Variants in ZSCAN31 observed in about 807,000 individuals in gnomAD.
ZSCAN31 encodes zinc finger and SCAN domain-containing protein 31.
Under a neutral mutation model 22.5 loss-of-function variants are expected in ZSCAN31, and 14 were observed. That is an observed-to-expected ratio of 0.62 (90% CI 0.41 to 0.97). The LOEUF is 0.97. Among genes scored for constraint, ZSCAN31 ranks in the 50% least tolerant of loss-of-function variants. The pLI is 0.00. For synonymous variants in ZSCAN31, 168 were observed against 169.8 expected, an observed-to-expected ratio of 0.99 and a Z score of 0.08; for missense variants, 424 against 483.4, an observed-to-expected ratio of 0.88 and a Z score of 1.15.
At position 28,327,398 on chromosome 6, in the gene ZSCAN31, G is replaced by A. The variant is rs1763374460; in HGVS notation, c.517C>T (p.Gln173Ter). 1 of 1,613,934 alleles carries A rather than the reference G, an allele frequency of 6.2e-7. No homozygotes were observed. The highest frequency in any genetic ancestry group is 1.3e-5 in the African/African-American group (1 of 74,884). ...QLRYESFCLH[Q>*]FQEQDGESIP... ...AAATCCTTACCTTGTTCTTGAAATT[G>A]GTGGAGGCAAAAAGATTCATATCTG... is the stretch of plus-strand genomic sequence containing the variant. The change falls in exon 3 of 4, where the codon CAA becomes TAA. Residue 173 changes from glutamine (Q) to a stop codon, truncating the protein, a stop_gained. Transcript: ENST00000344279. LOFTEE classifies it low-confidence loss of function (END_TRUNC).
At chr6:28,335,649 C>T (rs1201237645) in intron 1 of ZSCAN31, among the ~76,000 whole-genome samples, 2 of 152,152 alleles carry the variant, frequency 1.3e-5, no homozygotes, top group African/African-American at 4.8e-5. Context: ...CCTGATTGGT[C>T]CCGGACCAAG....
rs1163390529 is a variant in ZSCAN31 at position 28,324,900 on chromosome 6, C to T, written c.*1266G>A. 2.0e-5 allele frequency: 3 copies of T among 152,288 alleles called. No individual in the cohort carries two copies. In the East Asian group the frequency reaches 5.8e-4, roughly 29 times the overall value. 9.4% of individuals were successfully genotyped at this position (152,288 alleles called of 1,614,324 possible). On this transcript the variant is annotated 3_prime_UTR_variant, in exon 4 of 4. Coordinates refer to ENST00000344279, the MANE Select transcript of ZSCAN31 (RefSeq NM_030899.5). This position sits in a 1 kb window ranked among gnomAD's most constrained non-coding sequence, Gnocchi z 4.8. ...AAATTCTACCTACATTTGTTAAATG[C>T]TATTATTTCGTATGTAAATCATAAT... is the stretch of plus-strand genomic sequence containing the variant.
Position 28,326,263 on chromosome 6 carries a change from C to T in ZSCAN31, c.1124G>A (p.Gly375Asp). The change falls in exon 4 of 4, where the codon GGT becomes GAT. Residue 375 changes from glycine to aspartate, a missense_variant. By Grantham distance (94) the Gly-to-Asp change is moderately conservative. Coordinates refer to ENST00000344279, the MANE Select transcript of ZSCAN31 (RefSeq NM_030899.5). ...GLFQHLRVHT[G>D]EKPYQCSQCS... ...CTGACTGCACTGATAGGGTTTCTCACCAGTGTGGACTCGGAGATGCTGGAA... is the reference window on the plus strand; with the variant it reads ...CTGACTGCACTGATAGGGTTTCTCATCAGTGTGGACTCGGAGATGCTGGAA... The T allele has an allele frequency of 1.2e-6, 2 of 1,614,162 alleles. No homozygotes were observed. Among genetic ancestry groups the T allele is most frequent in the Non-Finnish European group, 1.7e-6 (2 of 1,180,024 alleles).
chr6:28,326,091 G>T lies in ZSCAN31; in HGVS notation c.*75C>A. 7.2e-7 allele frequency: 1 copy of T among 1,380,764 alleles called. No homozygotes were observed. The highest frequency in any genetic ancestry group is 9.9e-7 in the Non-Finnish European group (1 of 1,012,712). The allele number at this position is 1,380,764 out of a possible 1,614,324, so 85.5% of individuals were successfully genotyped here. ...GGGTCCACAGAATTAGTCCAGTTCT[G>T]CTGGAACAGTATGGATTCTAAAATG... On this transcript the variant is annotated 3_prime_UTR_variant, in exon 4 of 4. Coordinates refer to ENST00000344279, the MANE Select transcript of ZSCAN31 (RefSeq NM_030899.5).
intron 2 of ZSCAN31, chr6:28,350,456 C>G (rs1271969155): frequency 6.6e-6 from 1 of 152,162 alleles, no homozygotes; most frequent in Non-Finnish European, 1.5e-5. Context: ...AGTCAGATTA[C>G]CTGGTTCAAA....
chr6:28,343,812 G>A (rs1340367942), intron 2 of ZSCAN31, among the ~76,000 whole-genome samples: 1 of 152,138 alleles, frequency 6.6e-6, no homozygotes, highest in Non-Finnish European at 1.5e-5. Flanking sequence ...ACAGGTGTGA[G>A]CCACTGTGCC....
chr6:28,327,940 T>G (rs1389261575), intron 2 of ZSCAN31, among the ~76,000 whole-genome samples: 1 of 151,924 alleles, frequency 6.6e-6, no homozygotes, highest in Non-Finnish European at 1.5e-5. Flanking sequence ...AGGGACAGAG[T>G]ACAAAAGAGA....
chr6:28,342,068 G>A (rs73385893), intron 2 of ZSCAN31, among the ~76,000 whole-genome samples: 1,615 of 152,306 alleles, frequency 0.011, 30 homozygotes, highest in African/African-American at 0.035. Context: ...ATGAATGTAA[G>A]GCAAAGTGAA....
chr6:28,337,116 G>A (rs531068300), upstream of ZSCAN31, among the ~76,000 whole-genome samples: 40 of 152,212 alleles, frequency 2.6e-4, no homozygotes, highest in South Asian at 1.2e-3. Context: ...GAAGAGAGAG[G>A]AAAACTAATG....
upstream of ZSCAN31, chr6:28,356,169 G>A (rs1765408456): frequency 6.6e-6 from 1 of 152,202 alleles, no homozygotes; most frequent in African/African-American, 2.4e-5. Context: ...CCTGGCACCT[G>A]GGTCAGTTCC....
chr6:28,327,512 GTCCA>G lies in ZSCAN31; in HGVS notation c.399_402del (p.Gly134IlefsTer12), dbSNP rs1225802556. 1.9e-6 allele frequency: 3 copies of G among 1,613,350 alleles called. No homozygotes were observed. The highest frequency in any genetic ancestry group is 1.6e-4 in the Middle Eastern group (1 of 6,084). On this transcript the variant is annotated frameshift_variant, in exon 3 of 4. Coordinates refer to ENST00000344279, the MANE Select transcript of ZSCAN31 (RefSeq NM_030899.5). LOFTEE classifies it high-confidence loss of function. The stretch of plus-strand genomic sequence containing the variant: ...ACATCCTCCAAGAGCACTTCAGAAT[GTCCA>G]TGTTCATGGTCTGGAGCCTGAAGGC...
chr6:28,353,926 G>A, exon 2 of ZSCAN31: 1 of 455,466 alleles, frequency 2.2e-6, no homozygotes, highest in Non-Finnish European at 4.4e-6. Context: ...TTGGATGGGT[G>A]GCAGGTAGTT....
At chr6:28,345,045 T>G (rs1391972600) in intron 2 of ZSCAN31, among the ~76,000 whole-genome samples, 6 of 148,852 alleles carry the variant, frequency 4.0e-5, no homozygotes. Flanking sequence ...CACAGGGGGC[T>G]GAGGCAAAAG....
Position 28,333,418 on chromosome 6 carries a change from A to T in ZSCAN31, c.-96+2664T>A, listed in dbSNP as rs7752608. Among the ~76,000 whole-genome samples the T allele has an allele frequency of 0.05, 7,639 of 152,244 alleles. 471 individuals carry two copies. The highest frequency in any genetic ancestry group is 0.15 in the African/African-American group (6,217 of 41,508). ...GACCAGGCCCTGTTTTGCTGGAGCA[A>T]ACATTTTAACGGGGAAGACAAACCA... On this transcript the variant is annotated intron_variant, in intron 1 of 3. Transcript: ENST00000344279. The surrounding 1 kb of genome is among the most constrained non-coding windows in gnomAD (Gnocchi z 4.1).
chr6:28,331,479 C>G lies in ZSCAN31; in HGVS notation c.-95-1701G>C, dbSNP rs904615569. On this transcript the variant is annotated intron_variant, in intron 1 of 3. Transcript: ENST00000344279. The surrounding 1 kb of genome is among the most constrained non-coding windows in gnomAD (Gnocchi z 4.8). ...CGGTCCCTAACTTTATGGTATTTAC[C>G]ATGGGAAAGACAGACCTTAATAAAA... Among the ~76,000 whole-genome samples the G allele has an allele frequency of 1.3e-5, 2 of 152,074 alleles. No homozygotes were observed. The highest frequency in any genetic ancestry group is 2.4e-5 in the African/African-American group (1 of 41,408).
chr6:28,326,906 T>C lies in ZSCAN31; in HGVS notation c.533-52A>G, dbSNP rs1346737628. 2.8e-6 allele frequency: 4 copies of C among 1,417,312 alleles called. No individual in the cohort carries two copies. The African/African-American group carries it at 4.3e-5, about 15-fold the overall frequency. 87.8% of individuals were successfully genotyped at this position (1,417,312 alleles called of 1,614,324 possible). A position where few individuals can be genotyped will look rare whatever the true frequency, so the allele number is the denominator to read the frequency against. On this transcript the variant is annotated intron_variant, in intron 3 of 3. Coordinates refer to ENST00000344279, the MANE Select transcript of ZSCAN31 (RefSeq NM_030899.5). ...GTAATCTCTTTCCTTTATGAAAGAA[T>C]ACAATCATAGGATGGAAATAGAAAG...
At position 28,329,313 on chromosome 6, in the gene ZSCAN31, G is replaced by A. The variant is rs142223162; in HGVS notation, c.371C>T (p.Pro124Leu). The change falls in exon 2 of 4, where the codon CCA (proline) becomes CTA (leucine). Residue 124 changes from proline (P) to leucine (L), a missense_variant. Transcript: ENST00000344279. The part of the protein sequence containing the change: ...VEDLEQELSE[P>L]GNQAPDHEHG... ...TCTTTCTCCTCTCACCTGGTTCCCTGGCTCACTAAGCTCTTGTTCCAGATC... is the reference window on the plus strand; with the variant it reads ...TCTTTCTCCTCTCACCTGGTTCCCTAGCTCACTAAGCTCTTGTTCCAGATC... 4.2e-3 allele frequency: 6,598 copies of A among 1,577,916 alleles called. 22 individuals are homozygous for A. The highest frequency in any genetic ancestry group is 5.1e-3 in the Non-Finnish European group (5,975 of 1,165,068).
At chr6:28,343,512 G>C (rs1487105841) in intron 2 of ZSCAN31, among the ~76,000 whole-genome samples, 1 of 149,254 alleles carries the variant, frequency 6.7e-6, no homozygotes, top group Non-Finnish European at 1.5e-5. Context: ...GCTATATGCT[G>C]CATATTTTCT....
In ZSCAN31 at chr6:28,347,100, G is replaced by A. The variant is rs1226265082; in HGVS notation, c.-370-5308C>T. On this transcript the variant is annotated intron_variant, in intron 2 of 7. Transcript: ENST00000396838. The surrounding 1 kb of genome is among the most constrained non-coding windows in gnomAD (Gnocchi z 5.2). ...CAAGGCAAGGCAATTCTTAAGGACT[G>A]TCCCATCCCTTGAGCTCCTGAGAGG... Among the ~76,000 whole-genome samples the A allele has an allele frequency of 6.6e-6, 1 of 152,164 alleles. No homozygotes were observed. The highest frequency in any genetic ancestry group is 1.5e-5 in the Non-Finnish European group (1 of 68,036).
Sources: gnomAD v4.1 joint callset for allele counts (sites outside exome capture counted in the v4.1 genomes callset) on GRCh38, gnomAD v4.1.1 for gene constraint, Gnocchi (gnomAD v3.1) non-coding constraint, MANE v1.5 for transcripts, NCBI Gene and HGNC (gene_info 2026-07-23, HGNC 2026-07-21) for gene names.